Variants in ROBO2 observed in about 807,000 individuals in gnomAD.
ROBO2 encodes roundabout guidance receptor 2.
A neutral mutation model predicts 160.8 loss-of-function variants in ROBO2; 53 were observed. The ratio of observed to expected loss-of-function variants is 0.33; its 90% CI spans 0.26 to 0.41. ROBO2 has a LOEUF of 0.41. Among genes scored for constraint, ROBO2 ranks in the 10% least tolerant of loss-of-function variants. The pLI is 1.00. For missense variants in ROBO2, 1,577 were observed against 1,722.4 expected (o/e 0.92, Z 1.49); for synonymous variants, 664 against 611.7 (o/e 1.09, Z -1.26).
At chr3:77,578,755 C>A (rs2093833869) in intron 15 of ROBO2, among the ~76,000 whole-genome samples, 2 of 151,954 alleles carry the variant, frequency 1.3e-5, no homozygotes, top group South Asian at 4.2e-4. Flanking sequence ...AACAGAGTAA[C>A]AAATTATCTA....
intron 2 of ROBO2, among the ~76,000 whole-genome samples, chr3:76,518,677 T>G (rs2081457168): frequency 6.6e-6 from 1 of 152,190 alleles, no homozygotes; most frequent in African/African-American, 2.4e-5. Flanking sequence ...AGTTCACATC[T>G]TTATTTGTGT....
At chr3:76,869,475 G>T (rs563957048) in intron 2 of ROBO2, among the ~76,000 whole-genome samples, 5 of 143,788 alleles carry the variant, frequency 3.5e-5, no homozygotes, top group Non-Finnish European at 6.0e-5. Context: ...TCAGCCTCCC[G>T]AGTAGCTGGG....
At chr3:76,924,830 AATG>A (rs1423587282) in intron 2 of ROBO2, among the ~76,000 whole-genome samples, 7 of 152,214 alleles carry the variant, frequency 4.6e-5, no homozygotes, top group Non-Finnish European at 8.8e-5. Context: ...AAATCTGTGA[AATG>A]ATAACTCATA....
intron 2 of ROBO2, among the ~76,000 whole-genome samples, chr3:76,927,226 T>G (rs2077042548): frequency 6.6e-6 from 1 of 152,110 alleles, no homozygotes; most frequent in Non-Finnish European, 1.5e-5. Context: ...AGAACTAACA[T>G]CATGAAATAC....
chr3:77,234,200 G>T (rs999212828), intron 2 of ROBO2, among the ~76,000 whole-genome samples: 1 of 152,160 alleles, frequency 6.6e-6, no homozygotes, highest in Admixed American at 6.5e-5. Context: ...AAAATTCACA[G>T]AAGAGCAACA....
At chr3:76,191,133 A>C (rs1455737025) in intron 2 of ROBO2, among the ~76,000 whole-genome samples, 1 of 152,124 alleles carries the variant, frequency 6.6e-6, no homozygotes, top group Non-Finnish European at 1.5e-5. Flanking sequence ...GAGCAAGGAG[A>C]ATCTATAAGT....
rs540717384 is a variant in ROBO2, at chr3:76,334,147, A to AAT, written c.109+396557_109+396558dup. ...CCTAGAACTTAAAGTATAATAAAAA[A>AAT]ATATATATATATACATATAAAAGAA... On this transcript the variant is annotated intron_variant, in intron 2 of 26. Transcript: ENST00000487694. Among the ~76,000 whole-genome samples the AAT allele has an allele frequency of 1.4e-4, 21 of 152,076 alleles. No individual in the cohort carries two copies. In the East Asian group the frequency reaches 2.5e-3, roughly 18 times the overall value.
intron 2 of ROBO2, among the ~76,000 whole-genome samples, chr3:77,022,442 C>T (rs995026975): frequency 1.1e-4 from 16 of 152,242 alleles, no homozygotes; most frequent in African/African-American, 2.4e-4. Context: ...TGTAGTGTTC[C>T]GTTATAGCAA....
intron 2 of ROBO2, among the ~76,000 whole-genome samples, chr3:76,739,457 A>G (rs559027625): frequency 7.4e-6 from 1 of 135,662 alleles, no homozygotes; most frequent in South Asian, 2.7e-4. Flanking sequence ...AAGAAGGGGA[A>G]CATCACACTC....
chr3:77,344,025 G>A (rs945699481), intron 2 of ROBO2, among the ~76,000 whole-genome samples: 10 of 152,140 alleles, frequency 6.6e-5, no homozygotes, highest in Admixed American at 3.9e-4. Context: ...CAAAGGTGAG[G>A]AGATAATTAA....
intron 2 of ROBO2, among the ~76,000 whole-genome samples, chr3:76,921,441 A>G (rs936573723): frequency 2.0e-5 from 3 of 152,058 alleles, no homozygotes; most frequent in Non-Finnish European, 4.4e-5. Flanking sequence ...GTGAAATCCC[A>G]TCTCCACTAA....
At chr3:77,297,905 G>A (rs559332911) in intron 2 of ROBO2, among the ~76,000 whole-genome samples, 2 of 152,122 alleles carry the variant, frequency 1.3e-5, no homozygotes, top group South Asian at 2.1e-4. Context: ...ACATGAGGAG[G>A]CATGCTAACA....
At chr3:76,742,803 C>T (rs1018663229) in intron 2 of ROBO2, among the ~76,000 whole-genome samples, 1 of 148,312 alleles carries the variant, frequency 6.7e-6, no homozygotes, top group Admixed American at 6.8e-5. Flanking sequence ...CACCCACCCA[C>T]CCAACCCCAC....
At chr3:76,472,262 ATG>A (rs981909320) in intron 2 of ROBO2, among the ~76,000 whole-genome samples, 23 of 152,208 alleles carry the variant, frequency 1.5e-4, no homozygotes, top group African/African-American at 4.6e-4. Context: ...TTAAAATAAT[ATG>A]TGTTTATATA....
At chr3:75,950,117 G>T (rs1253747014) in intron 2 of ROBO2, among the ~76,000 whole-genome samples, 1 of 151,920 alleles carries the variant, frequency 6.6e-6, no homozygotes, top group Non-Finnish European at 1.5e-5. Flanking sequence ...TCTCCAACTT[G>T]TGTTATCCCA....
intron 2 of ROBO2, among the ~76,000 whole-genome samples, chr3:76,914,458 G>GT (rs547556429): frequency 1.8e-3 from 270 of 146,324 alleles, no homozygotes; most frequent in South Asian, 0.012. Flanking sequence ...TTTGCACATT[G>GT]TTTTTTTTTT....
At chr3:76,196,502 A>G (rs982248617) in intron 2 of ROBO2, among the ~76,000 whole-genome samples, 14 of 152,130 alleles carry the variant, frequency 9.2e-5, no homozygotes, top group Admixed American at 3.9e-4. Context: ...GAACATCCAC[A>G]TCTCAAAGGG....
chr3:77,377,707 A>G (rs1054999196), intron 2 of ROBO2, among the ~76,000 whole-genome samples: 10 of 152,242 alleles, frequency 6.6e-5, no homozygotes, highest in Non-Finnish European at 1.0e-4. Flanking sequence ...TTATTGACTT[A>G]CTGCAATAGG....
At chr3:76,158,258 CT>C (rs1402647924) in intron 2 of ROBO2, among the ~76,000 whole-genome samples, 1 of 152,102 alleles carries the variant, frequency 6.6e-6, no homozygotes, top group Non-Finnish European at 1.5e-5. Flanking sequence ...ATCCTGCCTC[CT>C]TGACTTTCTT....
Sources: allele counts gnomAD v4.1 joint callset (sites outside exome capture counted in the v4.1 genomes callset), GRCh38; gene constraint gnomAD v4.1.1; transcripts MANE v1.5; gene names NCBI Gene and HGNC (gene_info 2026-07-23, HGNC 2026-07-21).